Variants in ENOSF1 observed in about 807,000 individuals in gnomAD.
The protein encoded by ENOSF1 is mitochondrial enolase superfamily member 1.
A neutral mutation model predicts 68.2 loss-of-function variants in ENOSF1; 73 were observed. That is an observed-to-expected ratio of 1.07 (90% confidence interval 0.89 to 1.30). The LOEUF (loss-of-function observed/expected upper bound fraction) is 1.30, where lower values mean the gene tolerates loss of function less well. Ranked by LOEUF, ENOSF1 falls within the 50% of genes most tolerant of loss-of-function variation. The probability of loss-of-function intolerance (pLI) is 0.00; values close to 1 mark genes in which losing one functional copy is unlikely to be tolerated. For missense variants in ENOSF1, 589 were observed against 554.5 expected (o/e 1.06, Z -0.62); for synonymous variants, 223 against 210.4 (o/e 1.06, Z -0.52).
downstream of ENOSF1, among the ~76,000 whole-genome samples, chr18:667,191 A>AGATGGT (rs1310449953): frequency 2.5e-5 from 1 of 40,012 alleles, no homozygotes. Context: ...ATGGTGATGG[A>AGATGGT]GATGGTGATG....
At chr18:703,989 C>T (rs2078652240) in intron 2 of ENOSF1, among the ~76,000 whole-genome samples, 1 of 152,180 alleles carries the variant, frequency 6.6e-6, no homozygotes, top group Non-Finnish European at 1.5e-5. Flanking sequence ...GCTCCCCCTT[C>T]ACCTTCTACC....
intron 11 of ENOSF1, among the ~76,000 whole-genome samples, chr18:681,509 A>T (rs1415169635): frequency 6.6e-6 from 1 of 152,228 alleles, no homozygotes; most frequent in East Asian, 1.9e-4. Context: ...TAAGGAGGAA[A>T]AAGCAAGTGG....
intron 2 of ENOSF1, among the ~76,000 whole-genome samples, chr18:699,806 G>A (rs1223424213): frequency 5.9e-5 from 9 of 152,194 alleles, no homozygotes; most frequent in Non-Finnish European, 5.9e-5. Context: ...CAGGCTGGGC[G>A]CGGTGGCTCA....
rs2075161370 is a variant in ENOSF1, at chr18:673,418, C to G, written c.*887G>C. Reference sequence around the variant, plus strand: ...GAGGGAGCTGAGTAACACCATCGATCATGATGTAGAGTGTGGTTATGAACT... The same window carrying G: ...GAGGGAGCTGAGTAACACCATCGATGATGATGTAGAGTGTGGTTATGAACT... On this transcript the variant is annotated 3_prime_UTR_variant, in exon 16 of 16. Transcript: ENST00000647584. 1 of 222,282 alleles carries G rather than the reference C, an allele frequency of 4.5e-6. No homozygotes were observed. Among genetic ancestry groups the G allele is most frequent in the Non-Finnish European group, 8.9e-6 (1 of 112,532 alleles). 13.8% of individuals were successfully genotyped at this position (222,282 alleles called of 1,614,324 possible). A position where few individuals can be genotyped will look rare whatever the true frequency, so the allele number is the denominator to read the frequency against.
At chr18:666,163 G>T (rs953915199), downstream of ENOSF1, among the ~76,000 whole-genome samples, 11 of 93,894 alleles carry the variant, frequency 1.2e-4, no homozygotes, top group African/African-American at 7.0e-4. Flanking sequence ...TCTCTTTGTA[G>T]GTCAGATGAT....
Position 690,582 on chromosome 18 carries a change from G to C in ENOSF1, c.585C>G (p.Ala195=). ...ACGTGTCATCTGAGTACCCCAGCCA[G>C]GCGCACGATGTCGTGTAAGCAGGGT... The part of the protein sequence containing the change: ...QGYPAYTTSC[A]WLGYSDDTLK... Residue 195 remains alanine (A), a synonymous_variant, in exon 8 of 16, where the codon GCC becomes GCG. Transcript: ENST00000647584. 6.2e-7 allele frequency: 1 copy of C among 1,614,108 alleles called. No homozygotes were observed. Among genetic ancestry groups the C allele is most frequent in the South Asian group, 1.1e-5 (1 of 91,088 alleles).
Position 674,038 on chromosome 18 carries a change from C to A in ENOSF1, c.*267G>T. 6.6e-6 allele frequency: 2 copies of A among 302,144 alleles called. No homozygotes were observed. Among genetic ancestry groups the A allele is most frequent in the Non-Finnish European group, 1.2e-5 (2 of 164,484 alleles). 18.7% of individuals were successfully genotyped at this position (302,144 alleles called of 1,614,324 possible). ...TACAGTTTAATGTCTAGGTGCCAGC[C>A]CTTGATATAGCTATTTTTGTAAGAA... On this transcript the variant is annotated 3_prime_UTR_variant, in exon 16 of 16. Transcript: ENST00000647584.
Position 691,254 on chromosome 18 carries a change from C to G in ENOSF1, c.446G>C (p.Cys149Ser). ...ATCAGTGATGTACCTGAAATCTATG[C>G]AGGATACCAGCATCCTGGGATCCTG... Reference protein sequence around the residue: ...VDMDPRMLVSCIDFRYITDVL... With the variant: ...VDMDPRMLVSSIDFRYITDVL... Residue 149 changes from cysteine to serine, a missense_variant, in exon 6 of 16, where the codon TGC becomes TCC. Cys to Ser is a moderately radical substitution (Grantham distance 112). Transcript: ENST00000647584. 1 of 1,614,122 alleles carries G rather than the reference C, an allele frequency of 6.2e-7. No individual in the cohort carries two copies. Among genetic ancestry groups the G allele is most frequent in the East Asian group, 2.2e-5 (1 of 44,874 alleles).
rs2075143531 is a variant in ENOSF1 at position 673,135 on chromosome 18, T to G, written c.*1170A>C. The G allele has an allele frequency of 1.0e-6, 1 of 982,756 alleles. No homozygotes were observed. Among genetic ancestry groups the G allele is most frequent in the East Asian group, 2.5e-5 (1 of 39,782 alleles). The allele number at this position is 982,756 out of a possible 1,614,324, so 60.9% of individuals were successfully genotyped here. ...CCGTGACCTATCAGTTATTAATTTT[T>G]AAGGATGTTGCCACTGGCAAATGTA... On this transcript the variant is annotated 3_prime_UTR_variant, in exon 16 of 16. Transcript: ENST00000647584.
chr18:691,852 A>G, intron 5 of ENOSF1: 1 of 150,446 alleles, frequency 6.6e-6, no homozygotes, highest in Non-Finnish European at 1.5e-5. Flanking sequence ...TCCCGGAAGG[A>G]GGACCTGGCC....
chr18:696,583 C>A (rs28634586), intron 3 of ENOSF1, among the ~76,000 whole-genome samples: 3,096 of 152,152 alleles, frequency 0.02, 105 homozygotes, highest in African/African-American at 0.07. Context: ...AGTACTTTAT[C>A]CTCTAGAGCA....
intron 2 of ENOSF1, among the ~76,000 whole-genome samples, chr18:700,694 G>A (rs966732736): frequency 6.6e-6 from 1 of 151,946 alleles, no homozygotes; most frequent in Admixed American, 6.6e-5. Context: ...AGATCAACCT[G>A]ATCAACATGG....
At chr18:681,212 T>G (rs969791049) in intron 11 of ENOSF1, among the ~76,000 whole-genome samples, 1 of 152,198 alleles carries the variant, frequency 6.6e-6, no homozygotes, top group Non-Finnish European at 1.5e-5. Flanking sequence ...TCTGACTGGC[T>G]GCATCCTCTG....
At chr18:706,601 C>T (rs762852616) in intron 1 of ENOSF1, 23 bp from the exon 2 acceptor site, 33 of 1,552,366 alleles carry the variant, frequency 2.1e-5, no homozygotes, top group South Asian at 5.6e-5. Flanking sequence ...AGTTCCCCGC[C>T]GAAACAATGC....
rs2079724428 is a variant in ENOSF1, at chr18:712,563, G to T, written c.25C>A (p.Leu9Ile). 1.3e-6 allele frequency: 2 copies of T among 1,539,174 alleles called. No homozygotes were observed. The highest frequency in any genetic ancestry group is 1.7e-6 in the Non-Finnish European group (2 of 1,146,154). ...GGGAAGCGCACGTCCCGGACCGAGAGCCGGGAGATCCTGCCGCGCACCATG... is the reference window on the plus strand; with the variant it reads ...GGGAAGCGCACGTCCCGGACCGAGATCCGGGAGATCCTGCCGCGCACCATG... MVRGRISR[L>I]SVRDVRFPTS... Residue 9 changes from leucine to isoleucine, a missense_variant, in exon 1 of 16, where the codon CTC (leucine) becomes ATC (isoleucine). Physicochemically the swap from Leu to Ile is conservative, Grantham distance 5. Transcript: ENST00000647584.
intron 2 of ENOSF1, among the ~76,000 whole-genome samples, chr18:700,789 G>C (rs1028799968): frequency 1.3e-5 from 2 of 151,026 alleles, no homozygotes; most frequent in African/African-American, 4.9e-5. Flanking sequence ...TGGGGGCTGA[G>C]GTATGAGAAT....
chr18:693,939 CAT>C (rs776799296), intron 4 of ENOSF1, 31 bp from the exon 5 acceptor site: 15 of 1,612,536 alleles, frequency 9.3e-6, no homozygotes, highest in Non-Finnish European at 1.2e-5. Context: ...ATTTGTAAGA[CAT>C]ATGTGTAAAG....
chr18:688,026 G>C (rs1427718862), intron 9 of ENOSF1: 1 of 153,534 alleles, frequency 6.5e-6, no homozygotes, highest in Non-Finnish European at 1.4e-5. Context: ...AATTAGCCAG[G>C]TGTGGTGGCG....
chr18:711,686 G>A (rs1242665790), intron 1 of ENOSF1, among the ~76,000 whole-genome samples: 1 of 152,096 alleles, frequency 6.6e-6, no homozygotes, highest in African/African-American at 2.4e-5. Context: ...CCCTCAGTAA[G>A]CAAAAAAGAC....
Sources: gnomAD v4.1 joint callset for allele counts (sites outside exome capture counted in the v4.1 genomes callset) on GRCh38, gnomAD v4.1.1 for gene constraint, MANE v1.5 for transcripts, NCBI Gene and HGNC (gene_info 2026-07-23, HGNC 2026-07-21) for gene names.